Variants in RUFY1 observed in about 807,000 individuals in gnomAD.
RUFY1 encodes RUN and FYVE domain-containing protein 1.
RUFY1 carries 54 observed loss-of-function variants against 94.6 expected under a neutral mutation model. The observed-to-expected ratio is 0.57, with a 90% confidence interval of 0.46 to 0.72. The LOEUF (loss-of-function observed/expected upper bound fraction) is 0.72, where lower values mean the gene tolerates loss of function less well. Ranked by LOEUF, RUFY1 falls within the 30% of genes least tolerant of loss-of-function variation. RUFY1 has a pLI of 0.00. For missense variants in RUFY1, 883 were observed against 883.9 expected, an observed-to-expected ratio of 1.00 and a Z score of 0.01; for synonymous variants, 396 against 347.3, an observed-to-expected ratio of 1.14 and a Z score of -1.56.
intron 5 of RUFY1, among the ~76,000 whole-genome samples, chr5:179,570,095 G>T (rs1290745299): frequency 6.6e-6 from 1 of 151,718 alleles, no homozygotes; most frequent in Admixed American, 6.6e-5. Context: ...AGCCAGGATG[G>T]TCTCAATCTC....
At chr5:179,588,750 A>G (rs1476224250) in intron 8 of RUFY1, among the ~76,000 whole-genome samples, 1 of 152,046 alleles carries the variant, frequency 6.6e-6, no homozygotes, top group Admixed American at 6.6e-5. Flanking sequence ...TTCTTTTTTG[A>G]GACAGGCTGT....
At chr5:179,552,042 G>GT (rs1285927975) in intron 1 of RUFY1, among the ~76,000 whole-genome samples, 1 of 150,398 alleles carries the variant, frequency 6.6e-6, no homozygotes, top group African/African-American at 2.4e-5. Flanking sequence ...GCATGCACCT[G>GT]TAGTCCCAGC....
intron 5 of RUFY1, among the ~76,000 whole-genome samples, chr5:179,570,896 C>A (rs1281730383): frequency 6.6e-6 from 1 of 151,932 alleles, no homozygotes; most frequent in Admixed American, 6.6e-5. Flanking sequence ...ACTCTTAGAC[C>A]GATAATTCAG....
At chr5:179,555,508 G>T (rs560459755) in intron 1 of RUFY1, 6 of 282,266 alleles carry the variant, frequency 2.1e-5, no homozygotes, top group South Asian at 1.6e-4. Flanking sequence ...GGATGCATGA[G>T]ATGGCAAAAC....
chr5:179,560,713 A>G lies in RUFY1; in HGVS notation c.484+515A>G, dbSNP rs1223499730. Reference sequence around the variant, plus strand: ...TGCACTCCAGCTTGGGCAACAGAGCAAGACTCCGTCTCAAAAAAAAAAAAA... The same window carrying G: ...TGCACTCCAGCTTGGGCAACAGAGCGAGACTCCGTCTCAAAAAAAAAAAAA... On this transcript the variant is annotated intron_variant, in intron 2 of 17. Transcript: ENST00000319449. Among the ~76,000 whole-genome samples the G allele has an allele frequency of 2.9e-4, 41 of 143,192 alleles. 1 individual carries two copies. Among genetic ancestry groups the G allele is most frequent in the South Asian group, 4.6e-4 (2 of 4,342 alleles). The allele number at this position is 143,192 out of a possible 152,430, so 93.9% of individuals were successfully genotyped here.
intron 2 of RUFY1, among the ~76,000 whole-genome samples, chr5:179,560,598 C>T (rs1429772846): frequency 6.7e-6 from 1 of 149,772 alleles, no homozygotes; most frequent in African/African-American, 2.4e-5. Context: ...TGGTAGCGGG[C>T]GCCTGTAGTC....
At chr5:179,595,295 CG>C (rs1765512638) in intron 12 of RUFY1, among the ~76,000 whole-genome samples, 2 of 151,924 alleles carry the variant, frequency 1.3e-5, no homozygotes, top group East Asian at 3.9e-4. Flanking sequence ...CCGGCTAAAA[CG>C]GTGAAACCCC....
rs566837018 is a variant in RUFY1, at chr5:179,573,683, C to T, written c.829-3392C>T. Among the ~76,000 whole-genome samples the T allele has an allele frequency of 5.9e-5, 9 of 152,040 alleles. No individual in the cohort carries two copies. The East Asian group carries it at 1.7e-3, about 30-fold the overall frequency. Reference sequence around the variant, plus strand: ...GATTGCAGGTGCCTGCCACCATGCCCGGCTAATTTTTTGTATTTTTAGTAG... The same window carrying T: ...GATTGCAGGTGCCTGCCACCATGCCTGGCTAATTTTTTGTATTTTTAGTAG... On this transcript the variant is annotated intron_variant, in intron 5 of 17. Coordinates refer to ENST00000319449, the MANE Select transcript of RUFY1 (RefSeq NM_025158.5).
At chr5:179,564,981 T>C (rs1190078161) in intron 3 of RUFY1, among the ~76,000 whole-genome samples, 1 of 148,228 alleles carries the variant, frequency 6.7e-6, no homozygotes, top group Non-Finnish European at 1.5e-5. Flanking sequence ...ATGTAAAATA[T>C]GTTAAATTTT....
At chr5:179,579,317 A>T (rs942934932) in intron 6 of RUFY1, among the ~76,000 whole-genome samples, 2 of 152,138 alleles carry the variant, frequency 1.3e-5, no homozygotes, top group African/African-American at 4.8e-5. Context: ...AGAGGAACAA[A>T]ATATATTCTT....
chr5:179,566,804 C>T (rs894645809), intron 3 of RUFY1, among the ~76,000 whole-genome samples: 2 of 152,044 alleles, frequency 1.3e-5, no homozygotes, highest in Non-Finnish European at 2.9e-5. Context: ...GCCTGTAATC[C>T]CAGCACTTTG....
chr5:179,580,315 T>C (rs1480459570), intron 6 of RUFY1, among the ~76,000 whole-genome samples: 1 of 150,128 alleles, frequency 6.7e-6, no homozygotes, highest in African/African-American at 2.4e-5. Context: ...CCATCTCGGC[T>C]CACTGCAAGC....
intron 5 of RUFY1, among the ~76,000 whole-genome samples, chr5:179,570,960 A>ATG (rs200858819): frequency 6.6e-6 from 1 of 152,076 alleles, no homozygotes; most frequent in African/African-American, 2.4e-5. Flanking sequence ...GTGTGCATGC[A>ATG]TGTGTGTGTG....
chr5:179,560,094 T>C lies in RUFY1; in HGVS notation c.380T>C (p.Leu127Ser). The C allele has an allele frequency of 6.2e-7, 1 of 1,614,102 alleles. No individual in the cohort carries two copies. The highest frequency in any genetic ancestry group is 8.5e-7 in the Non-Finnish European group (1 of 1,180,016). Residue 127 changes from leucine to serine, a missense_variant, in exon 2 of 18, where the codon TTG becomes TCG. Leu to Ser is a moderately radical substitution (Grantham distance 145). Transcript: ENST00000319449. ...ATGATGAAACTCAGCATCAAGGTGT[T>C]GCTCCAGTCGGCTCTGAGCCTGGGC... ...MHMMKLSIKVLLQSALSLGRS... is the reference protein window; with the variant it reads ...MHMMKLSIKVSLQSALSLGRS...
chr5:179,592,780 C>T (rs1185564301), intron 10 of RUFY1, among the ~76,000 whole-genome samples: 3 of 152,176 alleles, frequency 2.0e-5, no homozygotes, highest in East Asian at 1.9e-4. Context: ...GAAATGGTTG[C>T]ACTTTTGTTG....
intron 14 of RUFY1, among the ~76,000 whole-genome samples, chr5:179,601,062 G>A (rs529786122): frequency 1.3e-5 from 2 of 152,260 alleles, no homozygotes; most frequent in South Asian, 4.1e-4. Context: ...GTCCCCAGCT[G>A]CAGAGCCCTC....
In RUFY1 at chr5:179,552,182, A is replaced by AAAAAAAC. The variant is rs1278491799; in HGVS notation, c.310+1308_310+1309insACAAAAA. Among the ~76,000 whole-genome samples the AAAAAAAC allele has an allele frequency of 3.8e-3, 569 of 149,816 alleles. 18 individuals carry two copies. The highest frequency in any genetic ancestry group is 0.014 in the African/African-American group (549 of 40,066). ...TCTGTCTCAAAAAAAAAAAAAAAAA[A>AAAAAAAC]AAAAACTTGTTCCTCGATTACAGCG... is the stretch of plus-strand genomic sequence containing the variant. On this transcript the variant is annotated intron_variant, in intron 1 of 17. Transcript: ENST00000319449.
At chr5:179,578,338 C>G (rs201273943) in intron 6 of RUFY1, among the ~76,000 whole-genome samples, 1 of 152,052 alleles carries the variant, frequency 6.6e-6, no homozygotes, top group East Asian at 1.9e-4. Flanking sequence ...CTCAGCCTCC[C>G]GAGTAGCAGG....
intron 6 of RUFY1, among the ~76,000 whole-genome samples, chr5:179,580,368 G>A (rs182704932): frequency 3.3e-5 from 5 of 151,100 alleles, no homozygotes; most frequent in South Asian, 4.2e-4. Context: ...TCAGCCTCCC[G>A]AGGAGCTGGG....
Sources: gnomAD v4.1 joint callset for allele counts (sites outside exome capture counted in the v4.1 genomes callset) on GRCh38, gnomAD v4.1.1 for gene constraint, MANE v1.5 for transcripts, NCBI Gene and HGNC (gene_info 2026-07-23, HGNC 2026-07-21) for gene names.